PLCD1: variants seen among roughly 807,000 people sequenced by gnomAD.
The protein encoded by PLCD1 is phospholipase C delta 1.
In PLCD1, 71 loss-of-function variants were observed where a neutral mutation model predicts 87.4. The observed-to-expected ratio is 0.81, with a 90% CI of 0.67 to 0.99. The LOEUF is 0.99. Among genes scored for constraint, PLCD1 ranks in the 50% least tolerant of loss-of-function variants. The pLI, the probability that PLCD1 is intolerant of heterozygous loss-of-function variation, is 0.00. For synonymous variants in PLCD1, 348 were observed against 399.2 expected (o/e 0.87, Z 1.53); for missense variants, 867 against 1,001.5 (o/e 0.87, Z 1.81).
chr3:38,008,702 C>A, intron 11 of PLCD1, 66 bp from the exon 12 acceptor site: 1 of 1,415,950 alleles, frequency 7.1e-7, no homozygotes, highest in Non-Finnish European at 1.0e-6. Context: ...ACAGCCTGCT[C>A]AGGGTACACT....
At chr3:38,009,837 A>G (rs1363996017) in intron 8 of PLCD1, 26 bp from the exon 9 acceptor site, 3 of 1,613,246 alleles carry the variant, frequency 1.9e-6, no homozygotes, top group Non-Finnish European at 2.5e-6. Flanking sequence ...CAACTGGTCA[A>G]GACACACCTA....
At chr3:38,024,330 C>G in intron 1 of PLCD1, 1 of 1,612,052 alleles carries the variant, frequency 6.2e-7, no homozygotes, top group Non-Finnish European at 8.5e-7. Flanking sequence ...TGCTCTGCGC[C>G]CCTTACCCAG....
chr3:38,020,337 T>C lies in PLCD1; in HGVS notation c.50A>G (p.Glu17Gly), dbSNP rs1031466319. Residue 17 changes from glutamate to glycine, a missense_variant, in exon 2 of 15, where the codon GAG becomes GGG. By Grantham distance (98) the Glu-to-Gly change is moderately conservative (BLOSUM62 -2). Transcript: ENST00000334661. ...GCCCTTCAGCAGCGCCTGTAGATCCTCATCATCCTGTAGGCCTGGGGATCA... is the reference window on the plus strand; with the variant it reads ...GCCCTTCAGCAGCGCCTGTAGATCCCCATCATCCTGTAGGCCTGGGGATCA... ...FLTLHGLQDD[E>G]DLQALLKGSQ... The C allele has an allele frequency of 3.1e-6, 5 of 1,613,856 alleles. No homozygotes were observed. Among genetic ancestry groups the C allele is most frequent in the Non-Finnish European group, 4.2e-6 (5 of 1,179,980 alleles).
rs1330921479 is a variant in PLCD1, at chr3:38,017,026, G to A, written c.200-307C>T. ...GAAAGACAGACTTTAGGGCGGAAAA[G>A]GCACCTGGGACCCCAGGCCTGCTCT... On this transcript the variant is annotated intron_variant, in intron 2 of 14. Transcript: ENST00000334661. The surrounding 1 kb of genome is among the most constrained non-coding windows in gnomAD (Gnocchi z 4.7). Among the ~76,000 whole-genome samples the A allele has an allele frequency of 6.6e-6, 1 of 151,988 alleles. No homozygotes were observed. The highest frequency in any genetic ancestry group is 1.5e-5 in the Non-Finnish European group (1 of 67,980).
Position 38,009,813 on chromosome 3 carries a change from T to G in PLCD1, c.1288-2A>C. The G allele has an allele frequency of 1.2e-6, 2 of 1,613,794 alleles. No individual in the cohort carries two copies. The highest frequency in any genetic ancestry group is 1.7e-6 in the Non-Finnish European group (2 of 1,179,978). On this transcript the variant is annotated splice_acceptor_variant, in intron 8 of 14. Transcript: ENST00000334661. LOFTEE classifies it high-confidence loss of function. The stretch of plus-strand genomic sequence containing the variant: ...CAGCAGGATCTTCCCCTTCAGTTGC[T>G]AGGTGGGGAGGGGCAACTGGTCAAG...
Position 38,018,426 on chromosome 3 carries a change from G to A in PLCD1, c.200-1707C>T, listed in dbSNP as rs557976718. Among the ~76,000 whole-genome samples the A allele has an allele frequency of 3.9e-5, 6 of 152,196 alleles. No homozygotes were observed. Among genetic ancestry groups the A allele is most frequent in the Admixed American group, 1.3e-4 (2 of 15,286 alleles). On this transcript the variant is annotated intron_variant, in intron 2 of 14. Transcript: ENST00000334661. The surrounding 1 kb of genome is among the most constrained non-coding windows in gnomAD (Gnocchi z 5.7). ...GCCCCTCAGCCTCCCACTCATGCCT[G>A]TTCCTCCTCCTCACCCTGCACCTTG...
intron 1 of PLCD1, among the ~76,000 whole-genome samples, chr3:38,028,067 A>G (rs937847197): frequency 2.0e-5 from 3 of 152,200 alleles, no homozygotes; most frequent in Non-Finnish European, 4.4e-5. Context: ...AAAGATATCA[A>G]GGCTGCCTCA....
In PLCD1 at chr3:38,016,599, G is replaced by A; in HGVS notation, c.320C>T (p.Thr107Ile). The change falls in exon 3 of 15, where the codon ACA (threonine) becomes ATA (isoleucine). Residue 107 changes from threonine (T) to isoleucine (I), a missense_variant. Coordinates refer to ENST00000334661, the MANE Select transcript of PLCD1 (RefSeq NM_006225.4). ...FSIVFKDQRN[T>I]LDLIAPSPAD... The stretch of plus-strand genomic sequence containing the variant: ...TGGCGATGGGGCGATGAGGTCTAGT[G>A]TATTGCGCTGGTCCTTGAAGACAAT... The A allele has an allele frequency of 6.2e-7, 1 of 1,613,734 alleles. No individual in the cohort carries two copies. Among genetic ancestry groups the A allele is most frequent in the Non-Finnish European group, 8.5e-7 (1 of 1,179,774 alleles).
Position 38,017,008 on chromosome 3 carries a change from A to G in PLCD1, c.200-289T>C, listed in dbSNP as rs967474305. Among the ~76,000 whole-genome samples the G allele has an allele frequency of 1.3e-5, 2 of 151,902 alleles. No homozygotes were observed. The highest frequency in any genetic ancestry group is 2.9e-5 in the Non-Finnish European group (2 of 67,964). ...GAGAGACAGAGAGTGAGAGAAAGAC[A>G]GACTTTAGGGCGGAAAAGGCACCTG... On this transcript the variant is annotated intron_variant, in intron 2 of 14. Transcript: ENST00000334661. This position sits in a 1 kb window ranked among gnomAD's most constrained non-coding sequence, Gnocchi z 4.7.
chr3:38,007,733 C>T lies in PLCD1; in HGVS notation c.*40G>A. ...CCTGTCCCCACATGTGGACAGAGGG[C>T]CCAGCCCACTCAGGGGGGACCCCAC... On this transcript the variant is annotated 3_prime_UTR_variant, in exon 15 of 15. Coordinates refer to ENST00000334661, the MANE Select transcript of PLCD1 (RefSeq NM_006225.4). 6.8e-7 allele frequency: 1 copy of T among 1,473,578 alleles called. No individual in the cohort carries two copies. Among genetic ancestry groups the T allele is most frequent in the Non-Finnish European group, 9.5e-7 (1 of 1,052,570 alleles). 91.3% of individuals were successfully genotyped at this position (1,473,578 alleles called of 1,614,324 possible).
rs1392629240 is a variant in PLCD1, at chr3:38,018,636, G to A, written c.199+1552C>T. 1.3e-5 allele frequency among the ~76,000 whole-genome samples: 2 copies of A among 152,122 alleles called. No homozygotes were observed. Among genetic ancestry groups the A allele is most frequent in the African/African-American group, 4.8e-5 (2 of 41,420 alleles). On this transcript the variant is annotated intron_variant, in intron 2 of 14. Coordinates refer to ENST00000334661, the MANE Select transcript of PLCD1 (RefSeq NM_006225.4). This position sits in a 1 kb window ranked among gnomAD's most constrained non-coding sequence, Gnocchi z 5.7. Reference sequence around the variant, plus strand: ...GGCACACACTGGGAGTCATCCATACGTATCGGTAGGTAGGTGGGCTCCAGG... The same window carrying A: ...GGCACACACTGGGAGTCATCCATACATATCGGTAGGTAGGTGGGCTCCAGG...
chr3:38,027,572 C>T (rs1199327413), intron 1 of PLCD1, among the ~76,000 whole-genome samples: 2 of 152,232 alleles, frequency 1.3e-5, no homozygotes, highest in Admixed American at 6.5e-5. Flanking sequence ...ACAGAAGGGA[C>T]ATGTCACATC....
intron 1 of PLCD1, among the ~76,000 whole-genome samples, chr3:38,021,104 G>C (rs1273238391): frequency 1.3e-5 from 2 of 152,072 alleles, no homozygotes; most frequent in African/African-American, 4.8e-5. Context: ...TGTGGTTGCT[G>C]TGGGACCCCT....
intron 1 of PLCD1, among the ~76,000 whole-genome samples, chr3:38,026,230 T>G (rs1415273673): frequency 2.0e-5 from 3 of 152,214 alleles, no homozygotes; most frequent in African/African-American, 4.8e-5. Context: ...TTTAAAAACA[T>G]GATCCTGGCC....
In PLCD1 at chr3:38,009,750, C is replaced by T. The variant is rs1700037471; in HGVS notation, c.1349G>A (p.Gly450Glu). 1 of 1,614,106 alleles carries T rather than the reference C, an allele frequency of 6.2e-7. No individual in the cohort carries two copies. Among genetic ancestry groups the T allele is most frequent in the Non-Finnish European group, 8.5e-7 (1 of 1,180,000 alleles). Reference sequence around the variant, plus strand: ...CACAGTGGCCTCAGGGCCACCCTCCCCTCCAGGGGGCAGGAGCCCCCCGAG... The same window carrying T: ...CACAGTGGCCTCAGGGCCACCCTCCTCTCCAGGGGGCAGGAGCCCCCCGAG... ...KKLGGLLPPG[G>E]EGGPEATVVS... Residue 450 changes from glycine (G) to glutamate (E), a missense_variant, in exon 9 of 15, where the codon GGG becomes GAG. By Grantham distance (98) the Gly-to-Glu change is moderately conservative. Transcript: ENST00000334661.
intron 1 of PLCD1, among the ~76,000 whole-genome samples, chr3:38,020,914 T>A (rs1188465559): frequency 1.3e-5 from 2 of 152,094 alleles, no homozygotes; most frequent in African/African-American, 2.4e-5. Flanking sequence ...CAGGTGCCCT[T>A]CCCAACAAGC....
In PLCD1 at chr3:38,017,254, TG is replaced by T. The variant is rs1575353328; in HGVS notation, c.200-536del. Among the ~76,000 whole-genome samples, 1 of 152,154 alleles carries T rather than the reference TG, an allele frequency of 6.6e-6. No individual in the cohort carries two copies. Among genetic ancestry groups the T allele is most frequent in the East Asian group, 1.9e-4 (1 of 5,158 alleles). On this transcript the variant is annotated intron_variant, in intron 2 of 14. Transcript: ENST00000334661. The surrounding 1 kb of genome is among the most constrained non-coding windows in gnomAD (Gnocchi z 4.7). ...CCCCTCTCCTGAACATTCAAGAGAC[TG>T]GAACCACCCTCAGTTAGCCCCAGCC...
rs548065770 is a variant in PLCD1, at chr3:38,017,320, G to A, written c.200-601C>T. Among the ~76,000 whole-genome samples, 32 of 152,294 alleles carry A rather than the reference G, an allele frequency of 2.1e-4. No individual in the cohort carries two copies. Among genetic ancestry groups the A allele is most frequent in the African/African-American group, 6.3e-4 (26 of 41,574 alleles). ...CAGAGGGCCGAAGACAGAGGGAGAAGCCCTGCATGGGAGAGGAGACAGGGT... is the reference window on the plus strand; with the variant it reads ...CAGAGGGCCGAAGACAGAGGGAGAAACCCTGCATGGGAGAGGAGACAGGGT... On this transcript the variant is annotated intron_variant, in intron 2 of 14. Transcript: ENST00000334661. The surrounding 1 kb of genome is among the most constrained non-coding windows in gnomAD (Gnocchi z 4.7).
Position 38,029,632 on chromosome 3 carries a change from G to A in PLCD1, c.-93C>T, listed in dbSNP as rs1700343645. On this transcript the variant is annotated 5_prime_UTR_variant, in exon 1 of 15. Coordinates refer to ENST00000334661, the MANE Select transcript of PLCD1 (RefSeq NM_006225.4). The stretch of plus-strand genomic sequence containing the variant: ...TGGGGTCCGAGCGGAGTGCGGTGCA[G>A]GGACCTGAATGGACCGCGGTGGGAG... 8 of 1,252,522 alleles carry A rather than the reference G, an allele frequency of 6.4e-6. No individual in the cohort carries two copies. The Admixed American group carries it at 1.2e-4, about 19-fold the overall frequency. 77.6% of individuals were successfully genotyped at this position (1,252,522 alleles called of 1,614,324 possible). A position where few individuals can be genotyped will look rare whatever the true frequency, so the allele number is the denominator to read the frequency against.
Sources: gnomAD v4.1 joint callset for allele counts (sites outside exome capture counted in the v4.1 genomes callset) on GRCh38, gnomAD v4.1.1 for gene constraint, Gnocchi (gnomAD v3.1) non-coding constraint, MANE v1.5 for transcripts, NCBI Gene and HGNC (gene_info 2026-07-23, HGNC 2026-07-21) for gene names.